Variants in PLEKHN1 observed in about 807,000 individuals in gnomAD.
PLEKHN1 encodes the protein pleckstrin homology domain-containing family N member 1.
In PLEKHN1, 68 loss-of-function variants were observed where a neutral mutation model predicts 72.8. That is an observed-to-expected ratio of 0.93 (90% CI 0.77 to 1.14). The LOEUF is 1.14. PLEKHN1 is among the 50% of genes most tolerant of loss of function. The pLI is 0.00. For synonymous variants in PLEKHN1, 454 were observed against 371.6 expected (o/e 1.22, Z -2.55); for missense variants, 1,015 against 840.5 (o/e 1.21, Z -2.57).
At position 970,597 on chromosome 1, in the gene PLEKHN1, T is replaced by G; in HGVS notation, c.407T>G (p.Phe136Cys). Residue 136 changes from phenylalanine to cysteine, a missense_variant, in exon 4 of 16, where the codon TTT becomes TGT. Transcript: ENST00000379410. The surrounding 1 kb of genome is among the most constrained non-coding windows in gnomAD (Gnocchi z 4.2). ...GCCCACGGCTCGGAAGGACTCACAT[T>G]TCAGGTGAGGCGGTGGGCAATGGGG... ...FQAHGSEGLTFQGLLPLTELS... is the reference protein window; with the variant it reads ...FQAHGSEGLTCQGLLPLTELS... The G allele has an allele frequency of 6.2e-7, 1 of 1,612,424 alleles. No homozygotes were observed. The highest frequency in any genetic ancestry group is 1.7e-5 in the Admixed American group (1 of 59,944).
intron 2 of PLEKHN1, among the ~76,000 whole-genome samples, chr1:968,453 A>T (rs897177640): frequency 1.3e-5 from 2 of 152,330 alleles, no homozygotes; most frequent in East Asian, 3.9e-4. Context: ...GCCAGGATTG[A>T]CTACATGTGG....
intron 2 of PLEKHN1, 99 bp downstream of exon 2, chr1:966,902 C>G (rs755809344): frequency 2.5e-5 from 33 of 1,327,564 alleles, no homozygotes; most frequent in Non-Finnish European, 3.0e-5. Context: ...CCCTCGCCCC[C>G]GGGGCGTTCA....
rs1643147672 is a variant in PLEKHN1, at chr1:969,099, T to C, written c.184-1178T>C. Among the ~76,000 whole-genome samples the C allele has an allele frequency of 1.3e-5, 2 of 152,228 alleles. 1 individual carries two copies. Among genetic ancestry groups the C allele is most frequent in the South Asian group, 4.1e-4 (2 of 4,832 alleles). ...TCGGTGTGTTTCTGTGTCTGTTTTT[T>C]GTAGAACCAGGTGTTAAGCATTTAC... On this transcript the variant is annotated intron_variant, in intron 2 of 15. Coordinates refer to ENST00000379410, the MANE Select transcript of PLEKHN1 (RefSeq NM_032129.3).
At chr1:966,856 C>CGT (rs1004909583) in intron 2 of PLEKHN1, 53 bp downstream of exon 2, 2 of 1,492,042 alleles carry the variant, frequency 1.3e-6, no homozygotes, top group African/African-American at 2.8e-5. Context: ...TCTGCCCGCG[C>CGT]GTGTGTGCCG....
intron 10 of PLEKHN1, 88 bp downstream of exon 10, chr1:972,512 T>A: frequency 7.0e-7 from 1 of 1,420,472 alleles, no homozygotes; most frequent in Non-Finnish European, 9.3e-7. Flanking sequence ...ACGCCTGTAA[T>A]CCCAGCATTT....
intron 2 of PLEKHN1, among the ~76,000 whole-genome samples, chr1:968,805 C>T (rs1643135724): frequency 6.6e-6 from 1 of 152,152 alleles, no homozygotes; most frequent in South Asian, 2.1e-4. Context: ...GAGCGGTCCC[C>T]AAAGCAGGAA....
chr1:971,234 AG>A (rs1557648469), intron 7 of PLEKHN1, 26 bp downstream of exon 7: 18 of 1,562,816 alleles, frequency 1.2e-5, no homozygotes, highest in South Asian at 2.3e-5. Context: ...GTGGGGCTGT[AG>A]GGGGATGGGA....
Position 970,033 on chromosome 1 carries a change from G to A in PLEKHN1, c.184-244G>A, listed in dbSNP as rs1392965947. Among the ~76,000 whole-genome samples, 1 of 144,618 alleles carries A rather than the reference G, an allele frequency of 6.9e-6. No homozygotes were observed. Among genetic ancestry groups the A allele is most frequent in the Admixed American group, 7.0e-5 (1 of 14,376 alleles). The allele number at this position is 144,618 out of a possible 152,430, so 94.9% of individuals were successfully genotyped here. ...TGTGCACAGGTTCTGTGCCTGTGGG[G>A]GGCTGTTCTTCACGTATGTGTTGTG... On this transcript the variant is annotated intron_variant, in intron 2 of 15. Transcript: ENST00000379410. The surrounding 1 kb of genome is among the most constrained non-coding windows in gnomAD (Gnocchi z 4.2).
At chr1:967,495 A>G (rs1356231077) in intron 2 of PLEKHN1, among the ~76,000 whole-genome samples, 2 of 152,052 alleles carry the variant, frequency 1.3e-5, no homozygotes, top group Non-Finnish European at 2.9e-5. Flanking sequence ...CAGGGCAGAC[A>G]GGAACCCCCA....
chr1:967,261 C>G (rs1293671852), intron 2 of PLEKHN1, among the ~76,000 whole-genome samples: 3 of 152,188 alleles, frequency 2.0e-5, no homozygotes, highest in African/African-American at 7.2e-5. Flanking sequence ...AGCAATCCCT[C>G]TGTGCACGCG....
At position 975,137 on chromosome 1, in the gene PLEKHN1, AAGAAGAGAAGAG is replaced by A. The variant is rs999350481; in HGVS notation, c.*576_*587del. On this transcript the variant is annotated 3_prime_UTR_variant, in exon 16 of 16. Coordinates refer to ENST00000379410, the MANE Select transcript of PLEKHN1 (RefSeq NM_032129.3). ...AGAAGAGAGAGAGGAGAAGAGAGAA[AAGAAGAGAAGAG>A]AGAAGAGAAGAGAAGGAAAGAGAGA... is the stretch of plus-strand genomic sequence containing the variant. The A allele has an allele frequency of 6.6e-6, 1 of 152,048 alleles. No homozygotes were observed. Among genetic ancestry groups the A allele is most frequent in the Admixed American group, 6.6e-5 (1 of 15,242 alleles). 9.4% of individuals were successfully genotyped at this position (152,048 alleles called of 1,614,324 possible). A position where few individuals can be genotyped will look rare whatever the true frequency, so the allele number is the denominator to read the frequency against.
Position 973,203 on chromosome 1 carries a change from C to T in PLEKHN1, c.1170C>T (p.Asp390=). 1 of 1,533,070 alleles carries T rather than the reference C, an allele frequency of 6.5e-7. No individual in the cohort carries two copies. The highest frequency in any genetic ancestry group is 8.8e-7 in the Non-Finnish European group (1 of 1,133,854). 95.0% of individuals were successfully genotyped at this position (1,533,070 alleles called of 1,614,324 possible). Residue 390 remains aspartate, a synonymous_variant, in exon 12 of 16, where the codon GAC becomes GAT. Transcript: ENST00000379410. ...SQHTPDQANS[D]RASIGRRRTE... ...CCCCACAGGACCAGGCCAACTCTGA[C>T]CGTGCCAGCATTGGCCGACGGAGGA...
At chr1:967,844 G>T (rs940162725) in intron 2 of PLEKHN1, among the ~76,000 whole-genome samples, 1 of 152,224 alleles carries the variant, frequency 6.6e-6, no homozygotes, top group Admixed American at 6.5e-5. Context: ...GACATGCAGT[G>T]TGACCCTGGG....
chr1:967,543 G>A (rs912022450), intron 2 of PLEKHN1, among the ~76,000 whole-genome samples: 1 of 152,130 alleles, frequency 6.6e-6, no homozygotes, highest in African/African-American at 2.4e-5. Flanking sequence ...GGTGGGCTCC[G>A]CTATGTGCAG....
chr1:971,049 G>A (rs544616087), intron 6 of PLEKHN1, 43 bp downstream of exon 6: 22 of 1,580,010 alleles, frequency 1.4e-5, no homozygotes, highest in East Asian at 9.3e-5. Flanking sequence ...CCTGATCCTC[G>A]CAGCCGGCTC....
rs1570041445 is a variant in PLEKHN1 at position 972,372 on chromosome 1, A to C, written c.950A>C (p.His317Pro). 2 of 1,586,914 alleles carry C rather than the reference A, an allele frequency of 1.3e-6. No homozygotes were observed. Among genetic ancestry groups the C allele is most frequent in the Non-Finnish European group, 1.7e-6 (2 of 1,169,702 alleles). The change falls in exon 10 of 16, where the codon CAC becomes CCC. Residue 317 changes from histidine to proline, a missense_variant. Coordinates refer to ENST00000379410, the MANE Select transcript of PLEKHN1 (RefSeq NM_032129.3). ...CTGCTGTGCCTTCGCGCTGTCACCC[A>C]CAGGGAGGGGGCCCCGCCGCTGCCT... Reference protein sequence around the residue: ...HWLLCLRAVTHREGAPPLPGA... With the variant: ...HWLLCLRAVTPREGAPPLPGA...
chr1:968,070 C>A (rs1005366010), intron 2 of PLEKHN1, among the ~76,000 whole-genome samples: 1 of 152,248 alleles, frequency 6.6e-6, no homozygotes, highest in Non-Finnish European at 1.5e-5. Context: ...CTCCCCGGGG[C>A]CCCGAGGCTG....
Position 971,574 on chromosome 1 carries a change from G to A in PLEKHN1, c.789+170G>A, listed in dbSNP as rs1332229169. On this transcript the variant is annotated intron_variant, in intron 8 of 15. Transcript: ENST00000379410. Reference sequence around the variant, plus strand: ...GTCTGGTCTCCGCTGTGACATGGAGGAGCCCCTGCCCGCCCTGAGGTTCTC... The same window carrying A: ...GTCTGGTCTCCGCTGTGACATGGAGAAGCCCCTGCCCGCCCTGAGGTTCTC... 2.7e-5 allele frequency: 18 copies of A among 661,090 alleles called. No individual in the cohort carries two copies. The East Asian group carries it at 4.4e-4, about 16-fold the overall frequency. 41.0% of individuals were successfully genotyped at this position (661,090 alleles called of 1,614,324 possible).
chr1:971,545 G>C, intron 8 of PLEKHN1, 141 bp downstream of exon 8: 2 of 771,560 alleles, frequency 2.6e-6, no homozygotes, highest in South Asian at 1.6e-5. Context: ...CGCGGTCCTG[G>C]TCAGTCTGGT....
Sources: gnomAD v4.1 joint callset for allele counts (sites outside exome capture counted in the v4.1 genomes callset) on GRCh38, gnomAD v4.1.1 for gene constraint, Gnocchi (gnomAD v3.1) non-coding constraint, MANE v1.5 for transcripts, NCBI Gene and HGNC (gene_info 2026-07-23, HGNC 2026-07-21) for gene names.